CTCF: variants seen among roughly 807,000 people sequenced by gnomAD.
CTCF encodes transcriptional repressor CTCF.
In CTCF, 7 loss-of-function variants were observed where a neutral mutation model predicts 72.3. That is an observed-to-expected ratio of 0.10 (90% CI 0.06 to 0.18). The LOEUF (loss-of-function observed/expected upper bound fraction) is 0.18. Ranked by LOEUF, CTCF falls within the 10% of genes least tolerant of loss-of-function variation. The pLI, the probability that CTCF is intolerant of heterozygous loss-of-function variation, is 1.00. For synonymous variants in CTCF, 374 were observed against 315.8 expected (o/e 1.18, Z -1.95); for missense variants, 516 against 949.1 (o/e 0.54, Z 6.00).
chr16:67,580,772 AT>A (rs781616750), intron 2 of CTCF, among the ~76,000 whole-genome samples: 12,475 of 120,158 alleles, frequency 0.1, 752 homozygotes, highest in African/African-American at 0.18. Flanking sequence ...GCCTGGCCAA[AT>A]TTTTTTTTTT....
At chr16:67,601,163 C>T (rs551790747) in intron 2 of CTCF, among the ~76,000 whole-genome samples, 4 of 151,150 alleles carry the variant, frequency 2.6e-5, no homozygotes, top group Non-Finnish European at 5.9e-5. Context: ...AGACTCCCAT[C>T]GTCTGGAAAG....
At chr16:67,630,506 G>A (rs751709491) in intron 10 of CTCF, among the ~76,000 whole-genome samples, 1 of 152,108 alleles carries the variant, frequency 6.6e-6, no homozygotes, top group Admixed American at 6.5e-5. Flanking sequence ...TGTAATCCCA[G>A]CACTTTGGGA....
intron 1 of CTCF, among the ~76,000 whole-genome samples, chr16:67,566,408 G>A (rs752309370): frequency 2.2e-4 from 33 of 150,378 alleles, no homozygotes; most frequent in Non-Finnish European, 5.9e-5. Context: ...TACTCAGGAG[G>A]CTGAGTCAGG....
chr16:67,568,844 C>T (rs370761581), intron 1 of CTCF, among the ~76,000 whole-genome samples: 3 of 134,830 alleles, frequency 2.2e-5, no homozygotes, highest in African/African-American at 9.9e-5. Context: ...TTTGGAAACT[C>T]TTTTTTTTTT....
intron 2 of CTCF, among the ~76,000 whole-genome samples, chr16:67,589,723 A>G (rs1597694363): frequency 1.3e-5 from 2 of 151,794 alleles, no homozygotes; most frequent in African/African-American, 4.8e-5. Flanking sequence ...ATATGCTTGT[A>G]CTCTCTCTCC....
intron 2 of CTCF, among the ~76,000 whole-genome samples, chr16:67,586,868 A>G (rs2051675491): frequency 6.6e-6 from 1 of 151,814 alleles, no homozygotes. Flanking sequence ...ATCTCAGCTC[A>G]CTGCAACCTC....
In CTCF at chr16:67,626,544, T is replaced by C. The variant is rs376203169; in HGVS notation, c.1358-11T>C. On this transcript the variant is annotated splice_polypyrimidine_tract_variant and intron_variant, in intron 7 of 11. Coordinates refer to ENST00000264010, the MANE Select transcript of CTCF (RefSeq NM_006565.4). ...TTTCACATTACCCTGGGCTTTTTAC[T>C]GTGCTTTCAGGTGTCCACTTGCGAA... 5.7e-5 allele frequency: 83 copies of C among 1,446,652 alleles called. No individual in the cohort carries two copies. Among genetic ancestry groups the C allele is most frequent in the African/African-American group, 1.3e-4 (9 of 69,444 alleles). The allele number at this position is 1,446,652 out of a possible 1,614,324, so 89.6% of individuals were successfully genotyped here. A position where few individuals can be genotyped will look rare whatever the true frequency, so the allele number is the denominator to read the frequency against.
Position 67,636,752 on chromosome 16 carries a change from C to G in CTCF, c.1900C>G (p.Pro634Ala). 6.2e-7 allele frequency: 1 copy of G among 1,609,292 alleles called. No homozygotes were observed. The change falls in exon 11 of 12, where the codon CCT becomes GCT. Residue 634 changes from proline (P) to alanine (A), a missense_variant. Pro to Ala is a conservative substitution (Grantham distance 27, BLOSUM62 -1). Transcript: ENST00000264010. ...GGAGGAGCCTGCCGTAGAAATTGAA[C>G]CTGAGCCAGAGCCTCAGCCTGTGAC... ...DEEEPAVEIE[P>A]EPEPQPVTPA...
chr16:67,614,944 G>A (rs543502102), intron 4 of CTCF: 7 of 151,684 alleles, frequency 4.6e-5, no homozygotes, highest in African/African-American at 1.7e-4. Flanking sequence ...AGACCATCCT[G>A]GCCAACATGG....
At chr16:67,620,674 G>C (rs2142847013) in intron 5 of CTCF, 23 bp from the exon 6 acceptor site, 1 of 1,534,122 alleles carries the variant, frequency 6.5e-7, no homozygotes, top group African/African-American at 1.4e-5. Context: ...AGAAGTTAAA[G>C]TTCGGTTGTT....
At chr16:67,619,975 A>G (rs1015407588) in intron 5 of CTCF, among the ~76,000 whole-genome samples, 2 of 152,156 alleles carry the variant, frequency 1.3e-5, no homozygotes, top group Non-Finnish European at 2.9e-5. Flanking sequence ...GGTGAGGATG[A>G]TAGAAGAGAG....
At chr16:67,610,060 A>G (rs548464556) in intron 2 of CTCF, among the ~76,000 whole-genome samples, 1 of 152,284 alleles carries the variant, frequency 6.6e-6, no homozygotes, top group East Asian at 1.9e-4. Flanking sequence ...TGTTAGCCAA[A>G]TGTTCCTAGA....
chr16:67,570,740 CTT>C (rs760778490), intron 1 of CTCF: 58 of 119,058 alleles, frequency 4.9e-4, no homozygotes, highest in African/African-American at 1.4e-3. Context: ...CGCGCCTGGC[CTT>C]TTTTTTTTTT....
At chr16:67,583,592 C>T (rs1597688819) in intron 2 of CTCF, among the ~76,000 whole-genome samples, 1 of 151,504 alleles carries the variant, frequency 6.6e-6, no homozygotes, top group East Asian at 2.0e-4. Context: ...GAGGCCGAGG[C>T]AGGAGAATCA....
chr16:67,610,344 CTTTTTCT>C (rs1241033947), intron 2 of CTCF, among the ~76,000 whole-genome samples: 1 of 137,024 alleles, frequency 7.3e-6, no homozygotes, highest in Non-Finnish European at 1.6e-5. Flanking sequence ...GTGGTTTTTT[CTTTTTCT>C]TTTTTTTTTT....
chr16:67,629,980 G>C (rs1340352097), intron 10 of CTCF, among the ~76,000 whole-genome samples: 1 of 151,142 alleles, frequency 6.6e-6, no homozygotes, highest in Non-Finnish European at 1.5e-5. Context: ...GTTTCACCGT[G>C]TTAGCCAGAA....
At chr16:67,590,136 GA>G (rs1245619383) in intron 2 of CTCF, among the ~76,000 whole-genome samples, 4 of 149,108 alleles carry the variant, frequency 2.7e-5, no homozygotes, top group Non-Finnish European at 5.9e-5. Context: ...TTTTAAAGAA[GA>G]GAGTTCCTTT....
chr16:67,629,378 G>A lies in CTCF; in HGVS notation c.1702-20G>A, dbSNP rs2052332753. 6.3e-7 allele frequency: 1 copy of A among 1,588,272 alleles called. No individual in the cohort carries two copies. The highest frequency in any genetic ancestry group is 8.6e-7 in the Non-Finnish European group (1 of 1,169,564). On this transcript the variant is annotated intron_variant, in intron 9 of 11. Coordinates refer to ENST00000264010, the MANE Select transcript of CTCF (RefSeq NM_006565.4). ...TAGCTTTTTTAGTGGTGTGAAAGAG[G>A]ATTTTGTTCTTTTTGTTAGAATACC...
At chr16:67,622,925 G>C (rs2052223464) in intron 7 of CTCF, among the ~76,000 whole-genome samples, 1 of 148,256 alleles carries the variant, frequency 6.7e-6, no homozygotes, top group Non-Finnish European at 1.5e-5. Flanking sequence ...GCCTCCCAAA[G>C]TGCTGGGATT....
Sources: allele counts gnomAD v4.1 joint callset (sites outside exome capture counted in the v4.1 genomes callset), GRCh38; gene constraint gnomAD v4.1.1; transcripts MANE v1.5; gene names NCBI Gene and HGNC (gene_info 2026-07-23, HGNC 2026-07-21).